ZFHX3: variants seen among roughly 807,000 people sequenced by gnomAD.
ZFHX3 encodes zinc finger homeobox 3.
ZFHX3 carries 42 observed loss-of-function variants against 279.1 expected under a neutral mutation model. The observed-to-expected ratio is 0.15, with a 90% CI of 0.12 to 0.19. The LOEUF is 0.19. ZFHX3 is among the 10% of genes least tolerant of loss of function. The pLI, the probability that ZFHX3 is intolerant of heterozygous loss-of-function variation, is 1.00. For missense variants in ZFHX3, 4,981 were observed against 4,754.0 expected, an observed-to-expected ratio of 1.05 and a Z score of -1.40; for synonymous variants, 2,293 against 1,957.8, an observed-to-expected ratio of 1.17 and a Z score of -4.52.
At chr16:72,882,598 C>T (rs1433084351) in intron 4 of ZFHX3, among the ~76,000 whole-genome samples, 1 of 152,176 alleles carries the variant, frequency 6.6e-6, no homozygotes, top group Admixed American at 6.5e-5. Context: ...CCACTGCCCA[C>T]CTGACCATCC....
intron 5 of ZFHX3, among the ~76,000 whole-genome samples, chr16:72,817,204 A>G (rs2036633912): frequency 6.6e-6 from 1 of 152,240 alleles, no homozygotes; most frequent in African/African-American, 2.4e-5. Flanking sequence ...TTATAACTTC[A>G]TCTGATAAAA....
chr16:73,276,177 C>CTTTTTTTTT (rs529830146), intron 4 of ZFHX3, among the ~76,000 whole-genome samples: 6 of 135,062 alleles, frequency 4.4e-5, no homozygotes, highest in Admixed American at 1.5e-4. Flanking sequence ...CTTTTTCTTT[C>CTTTTTTTTT]TTTTTTTTTT....
intron 1 of ZFHX3, among the ~76,000 whole-genome samples, chr16:73,764,786 G>T (rs962895148): frequency 6.6e-6 from 1 of 152,134 alleles, no homozygotes; most frequent in African/African-American, 2.4e-5. Flanking sequence ...GTGACTTGAG[G>T]TCCCAAAGTT....
intron 3 of ZFHX3, among the ~76,000 whole-genome samples, chr16:73,346,540 C>G (rs1486150715): frequency 1.3e-5 from 2 of 151,970 alleles, no homozygotes; most frequent in Admixed American, 1.3e-4. Context: ...GGTGCGATCT[C>G]GGCTCACTGC....
At chr16:73,115,657 G>C (rs1471384854) in intron 7 of ZFHX3, among the ~76,000 whole-genome samples, 8 of 152,150 alleles carry the variant, frequency 5.3e-5, no homozygotes, top group African/African-American at 1.9e-4. Context: ...CTCAAGGGCA[G>C]GCGTAGGGCT....
At chr16:73,054,367 C>A (rs1965505731) in intron 1 of ZFHX3, among the ~76,000 whole-genome samples, 1 of 149,588 alleles carries the variant, frequency 6.7e-6, no homozygotes. Context: ...CCCTCCCCCA[C>A]ACCCGCCCCC....
intron 4 of ZFHX3, among the ~76,000 whole-genome samples, chr16:73,260,761 C>A (rs147100935): frequency 1.4e-4 from 20 of 145,254 alleles, no homozygotes; most frequent in African/African-American, 4.9e-4. Flanking sequence ...TGGCTCACTG[C>A]AACCTCCGCC....
chr16:73,184,905 T>A (rs1394887656), intron 5 of ZFHX3, among the ~76,000 whole-genome samples: 1 of 152,078 alleles, frequency 6.6e-6, no homozygotes, highest in East Asian at 1.9e-4. Context: ...TGTGTGAAAG[T>A]AGGAACCAGG....
chr16:72,980,476 T>G (rs1962543391), intron 1 of ZFHX3, among the ~76,000 whole-genome samples: 1 of 152,054 alleles, frequency 6.6e-6, no homozygotes, highest in African/African-American at 2.4e-5. Flanking sequence ...ATGTCAGTTT[T>G]GGCCAGGGGC....
chr16:73,515,388 G>A (rs2019501936), intron 2 of ZFHX3, among the ~76,000 whole-genome samples: 1 of 151,938 alleles, frequency 6.6e-6, no homozygotes, highest in Admixed American at 6.6e-5. Context: ...AATGTGGTAG[G>A]GCTTAAACTA....
intron 4 of ZFHX3, among the ~76,000 whole-genome samples, chr16:73,284,562 T>C (rs1214151345): frequency 6.6e-6 from 1 of 152,168 alleles, no homozygotes; most frequent in East Asian, 1.9e-4. Flanking sequence ...TCACCGAGTA[T>C]GAAATACTCT....
Position 73,618,128 on chromosome 16 carries a change from G to A in ZFHX3, c.-1547+62052C>T, listed in dbSNP as rs183504194. 3.0e-3 allele frequency among the ~76,000 whole-genome samples: 458 copies of A among 152,268 alleles called. 3 individuals are homozygous for A. The highest frequency in any genetic ancestry group is 0.01 in the African/African-American group (419 of 41,556). On this transcript the variant is annotated intron_variant, in intron 2 of 17. Transcript: ENST00000641206. ...CTGGACACTAGCAGTGTGGTCCGGCGTCTATAGTCCAGCCGATAATGATCA... is the reference window on the plus strand; with the variant it reads ...CTGGACACTAGCAGTGTGGTCCGGCATCTATAGTCCAGCCGATAATGATCA...
chr16:73,236,938 G>A (rs2144938473), intron 5 of ZFHX3, among the ~76,000 whole-genome samples: 1 of 152,312 alleles, frequency 6.6e-6, no homozygotes, highest in South Asian at 2.1e-4. Flanking sequence ...GGTGAAGACA[G>A]CAAGAAGGCT....
At chr16:73,369,861 T>C (rs566124986) in intron 3 of ZFHX3, among the ~76,000 whole-genome samples, 86 of 78,860 alleles carry the variant, frequency 1.1e-3, no homozygotes, top group South Asian at 4.2e-3. Context: ...TCTCTCTCTG[T>C]CTCTCAACTA....
chr16:73,791,667 T>A (rs1441430312), intron 1 of ZFHX3, among the ~76,000 whole-genome samples: 1 of 149,578 alleles, frequency 6.7e-6, no homozygotes, highest in Non-Finnish European at 1.5e-5. Flanking sequence ...TCGTGTTCCG[T>A]CCACCTCGGC....
At chr16:72,909,019 G>A (rs1369768345) in intron 3 of ZFHX3, among the ~76,000 whole-genome samples, 3 of 152,216 alleles carry the variant, frequency 2.0e-5, no homozygotes, top group Admixed American at 1.3e-4. Flanking sequence ...TTAGCGAGAA[G>A]CGGATGCAGG....
intron 5 of ZFHX3, among the ~76,000 whole-genome samples, chr16:73,206,894 T>G (rs2011826876): frequency 6.6e-6 from 1 of 151,946 alleles, no homozygotes; most frequent in South Asian, 2.1e-4. Context: ...GGCGGGTACC[T>G]GTAGTTGCAG....
chr16:73,465,064 C>T (rs758479543), intron 2 of ZFHX3, among the ~76,000 whole-genome samples: 1 of 152,154 alleles, frequency 6.6e-6, no homozygotes, highest in East Asian at 1.9e-4. Flanking sequence ...GGCACACCGG[C>T]CAGCTGCTCT....
At chr16:73,182,454 C>T (rs1395063533) in intron 5 of ZFHX3, among the ~76,000 whole-genome samples, 2 of 151,890 alleles carry the variant, frequency 1.3e-5, no homozygotes, top group Non-Finnish European at 1.5e-5. Context: ...GAGACTCTGT[C>T]GCAAAACAAA....
Sources: allele counts gnomAD v4.1 joint callset (sites outside exome capture counted in the v4.1 genomes callset), GRCh38; gene constraint gnomAD v4.1.1; transcripts MANE v1.5; gene names NCBI Gene and HGNC (gene_info 2026-07-23, HGNC 2026-07-21).